The following NUP98 variants were observed in gnomAD, a reference collection of about 807,000 sequenced individuals.
NUP98 encodes nucleoporin 98 and 96 precursor, also known as nuclear pore complex protein Nup98-Nup96.
Under a neutral mutation model 191.9 loss-of-function variants are expected in NUP98, and 26 were observed. The ratio of observed to expected loss-of-function variants is 0.14; its 90% CI spans 0.10 to 0.19. NUP98 has a LOEUF of 0.19. Ranked by LOEUF, NUP98 falls within the 10% of genes least tolerant of loss-of-function variation. The pLI, the probability that NUP98 is intolerant of heterozygous loss-of-function variation, is 1.00. For missense variants in NUP98, 1,941 were observed against 2,178.8 expected, an observed-to-expected ratio of 0.89 and a Z score of 2.17; for synonymous variants, 808 against 778.4, an observed-to-expected ratio of 1.04 and a Z score of -0.63.
rs2133946632 is a variant in NUP98 at position 3,781,301 on chromosome 11, G to T, written c.76+741C>A. On this transcript the variant is annotated intron_variant, in intron 2 of 32. Coordinates refer to ENST00000324932, the MANE Select transcript of NUP98 (RefSeq NM_016320.5). The stretch of plus-strand genomic sequence containing the variant: ...GAAAGAAAGAGATAAAAACAAGTCT[G>T]GGAAAATGCTGATTGTTAAAGTTGG... 1.3e-5 allele frequency: 2 copies of T among 151,898 alleles called. 1 individual carries two copies. Among genetic ancestry groups the T allele is most frequent in the Non-Finnish European group, 2.9e-5 (2 of 67,958 alleles). The allele number at this position is 151,898 out of a possible 1,614,324, so 9.4% of individuals were successfully genotyped here. A position where few individuals can be genotyped will look rare whatever the true frequency, so the allele number is the denominator to read the frequency against.
Position 3,679,726 on chromosome 11 carries a change from T to G in NUP98, c.4919-18A>C. ...GATGGCATCTGAAGAAACAAAGTAT[T>G]GAGCACAATGTCTGCACAAGTGCAT... is the stretch of plus-strand genomic sequence containing the variant. On this transcript the variant is annotated intron_variant, in intron 30 of 32. Coordinates refer to ENST00000324932, the MANE Select transcript of NUP98 (RefSeq NM_016320.5). 2 of 1,610,932 alleles carry G rather than the reference T, an allele frequency of 1.2e-6. No homozygotes were observed. The highest frequency in any genetic ancestry group is 1.1e-5 in the South Asian group (1 of 90,758).
intron 11 of NUP98, 42 bp from the exon 12 acceptor site, chr11:3,744,691 C>T (rs368021811): frequency 2.7e-5 from 42 of 1,566,566 alleles, no homozygotes; most frequent in Admixed American, 8.2e-5. Flanking sequence ...ACAGAAGATC[C>T]TTTCAATGTT....
At chr11:3,700,566 C>T (rs777761501) in intron 24 of NUP98, 44 bp downstream of exon 24, 30 of 1,365,230 alleles carry the variant, frequency 2.2e-5, no homozygotes, top group Non-Finnish European at 3.0e-5. Flanking sequence ...GCTACCACCA[C>T]TATTATTGGG....
intron 20 of NUP98, chr11:3,712,203 C>G (rs1205678242): frequency 1.8e-6 from 2 of 1,081,830 alleles, no homozygotes; most frequent in African/African-American, 1.6e-5. Flanking sequence ...AAAGATTAAA[C>G]TGCACATCAG....
rs1242281964 is a variant in NUP98, at chr11:3,713,810, G to C, written c.2577+8C>G. On this transcript the variant is annotated splice_region_variant and intron_variant, in intron 19 of 32. Coordinates refer to ENST00000324932, the MANE Select transcript of NUP98 (RefSeq NM_016320.5). ...TATAAAAGTCTGAACTGGGTTAAAT[G>C]ACTATACCTTAAACACCCAAGAACC... 1.9e-6 allele frequency: 3 copies of C among 1,610,162 alleles called. No homozygotes were observed. The highest frequency in any genetic ancestry group is 2.5e-6 in the Non-Finnish European group (3 of 1,178,862).
intron 2 of NUP98, 24 bp downstream of exon 2, chr11:3,782,018 C>G (rs777840076): frequency 1.3e-6 from 2 of 1,573,804 alleles, no homozygotes; most frequent in East Asian, 4.5e-5. Context: ...GTTTCTCCCT[C>G]TTTTGTCCTT....
Position 3,744,614 on chromosome 11 carries a change from T to A in NUP98, c.1303A>T (p.Asn435Tyr), listed in dbSNP as rs1410834736. 6.2e-7 allele frequency: 1 copy of A among 1,613,368 alleles called. No homozygotes were observed. The highest frequency in any genetic ancestry group is 8.5e-7 in the Non-Finnish European group (1 of 1,179,530). The change falls in exon 12 of 33, where the codon AAC becomes TAC. Residue 435 changes from asparagine to tyrosine, a missense_variant. By Grantham distance (143) the Asn-to-Tyr change is moderately radical. Coordinates refer to ENST00000324932, the MANE Select transcript of NUP98 (RefSeq NM_016320.5). ...GAGQASLFGN[N>Y]QPKIGGPLGT... ...AGAGGCCCTCCAATCTTAGGTTGGTTGTTCCCAAACAAAGATGCCTGTCCA... is the reference window on the plus strand; with the variant it reads ...AGAGGCCCTCCAATCTTAGGTTGGTAGTTCCCAAACAAAGATGCCTGTCCA...
In NUP98 at chr11:3,693,259, C is replaced by T. The variant is rs1875; in HGVS notation, c.4284G>A (p.Ala1428=). ...GAAATGCTTCTTCATACATGCTGAG[C>T]GCCCTAGAAATGGAGGCTGTTGGTG... ...LLPPTASISR[A]LSMYEEAFQN... The change falls in exon 27 of 33, where the codon GCG becomes GCA. Residue 1428 remains alanine, a synonymous_variant. Coordinates refer to ENST00000324932, the MANE Select transcript of NUP98 (RefSeq NM_016320.5). The T allele has an allele frequency of 0.2, 320,362 of 1,613,184 alleles. 34,626 individuals carry two copies. The highest frequency in any genetic ancestry group is 0.34 in the African/African-American group (25,547 of 74,898).
At chr11:3,706,376 G>T in intron 21 of NUP98, 69 bp downstream of exon 21, 2 of 1,423,242 alleles carry the variant, frequency 1.4e-6, no homozygotes, top group Non-Finnish European at 2.0e-6. Flanking sequence ...GAAGAGACCT[G>T]ATCCTATGCA....
At chr11:3,740,792 G>A (rs1051559393) in intron 12 of NUP98, among the ~76,000 whole-genome samples, 13 of 151,300 alleles carry the variant, frequency 8.6e-5, no homozygotes, top group Admixed American at 8.6e-4. Context: ...AGAGTTGCCA[G>A]TGAGCTTTTA....
intron 12 of NUP98, among the ~76,000 whole-genome samples, chr11:3,741,012 G>C (rs1174478383): frequency 6.6e-6 from 1 of 151,616 alleles, no homozygotes; most frequent in Non-Finnish European, 1.5e-5. Flanking sequence ...AGACATCATG[G>C]GGTTTTGCCA....
At chr11:3,762,516 C>T (rs2081208811) in intron 9 of NUP98, among the ~76,000 whole-genome samples, 1 of 152,142 alleles carries the variant, frequency 6.6e-6, no homozygotes, top group Non-Finnish European at 1.5e-5. Flanking sequence ...ACCCCAAAAA[C>T]ATTTCATTCC....
Position 3,700,776 on chromosome 11 carries a change from A to T in NUP98, c.3576T>A (p.Asp1192Glu). Reference protein sequence around the residue: ...EKLSLRQRKPDEDMKLYQTPL... With the variant: ...EKLSLRQRKPEEDMKLYQTPL... Reference sequence around the variant, plus strand: ...GTGTCTGATATAATTTCATGTCTTCATCTGGCTTTCTTTGTCTCAAACTGA... The same window carrying T: ...GTGTCTGATATAATTTCATGTCTTCTTCTGGCTTTCTTTGTCTCAAACTGA... The change falls in exon 24 of 33, where the codon GAT (aspartate) becomes GAA (glutamate). Residue 1192 changes from aspartate (D) to glutamate (E), a missense_variant. Coordinates refer to ENST00000324932, the MANE Select transcript of NUP98 (RefSeq NM_016320.5). The T allele has an allele frequency of 6.2e-7, 1 of 1,614,124 alleles. No homozygotes were observed. The highest frequency in any genetic ancestry group is 8.5e-7 in the Non-Finnish European group (1 of 1,179,998).
At chr11:3,678,297 CT>C (rs2077881840) in intron 31 of NUP98, among the ~76,000 whole-genome samples, 1 of 152,122 alleles carries the variant, frequency 6.6e-6, no homozygotes, top group South Asian at 2.1e-4. Context: ...AGGTAGTTAA[CT>C]TGCTCAAGAT....
At chr11:3,782,571 T>C (rs1391849672) in intron 1 of NUP98, among the ~76,000 whole-genome samples, 2 of 30,376 alleles carry the variant, frequency 6.6e-5, no homozygotes, top group African/African-American at 4.5e-4. Flanking sequence ...AAAGCTAACA[T>C]TTTTTTTTTT....
At position 3,720,832 on chromosome 11, in the gene NUP98, C is replaced by CAAAAAAAAAAAAAA. The variant is rs55821497; in HGVS notation, c.2147-21_2147-8dup. The CAAAAAAAAAAAAAA allele has an allele frequency of 1.9e-5, 7 of 376,216 alleles. No individual in the cohort carries two copies. The highest frequency in any genetic ancestry group is 4.5e-5 in the South Asian group (1 of 22,214). 23.3% of individuals were successfully genotyped at this position (376,216 alleles called of 1,614,324 possible). ...ACCTTAGTGAGAATAATACCTGTGA[C>CAAAAAAAAAAAAAA]AAAAAAAAAAAAAAAAACAGAAAAA... On this transcript the variant is annotated splice_polypyrimidine_tract_variant and splice_region_variant and intron_variant, in intron 16 of 32. Transcript: ENST00000324932.
intron 28 of NUP98, among the ~76,000 whole-genome samples, chr11:3,689,737 C>T (rs960016159): frequency 1.3e-5 from 2 of 151,820 alleles, no homozygotes; most frequent in East Asian, 2.0e-4. Flanking sequence ...ACTTCCCAGG[C>T]TCAGGTGATC....
At chr11:3,727,076 T>C (rs1029276054) in intron 14 of NUP98, among the ~76,000 whole-genome samples, 2 of 152,144 alleles carry the variant, frequency 1.3e-5, no homozygotes, top group African/African-American at 4.8e-5. Flanking sequence ...AATTATTACC[T>C]TATACAAACT....
chr11:3,787,808 A>G (rs1295214464), intron 1 of NUP98, among the ~76,000 whole-genome samples: 1 of 152,070 alleles, frequency 6.6e-6, no homozygotes. Flanking sequence ...CCTGGCCAAC[A>G]TGGTGAAACC....
Sources: gnomAD v4.1 joint callset for allele counts (sites outside exome capture counted in the v4.1 genomes callset) on GRCh38, gnomAD v4.1.1 for gene constraint, MANE v1.5 for transcripts, NCBI Gene and HGNC (gene_info 2026-07-23, HGNC 2026-07-21) for gene names.